The following PCDH15 variants were observed in gnomAD, a reference collection of about 807,000 sequenced individuals.
PCDH15 encodes the protein protocadherin related 15, also known as protocadherin-15.
PCDH15 carries 129 observed loss-of-function variants against 178.5 expected under a neutral mutation model. That is an observed-to-expected ratio of 0.72 (90% CI 0.63 to 0.84). The LOEUF is 0.84. Among genes scored for constraint, PCDH15 ranks in the 40% least tolerant of loss-of-function variants. The pLI is 0.00. For synonymous variants in PCDH15, 800 were observed against 732.0 expected (o/e 1.09, Z -1.50); for missense variants, 2,230 against 2,099.9 (o/e 1.06, Z -1.21).
intron 1 of PCDH15, among the ~76,000 whole-genome samples, chr10:55,215,592 G>T (rs896541867): frequency 6.6e-6 from 1 of 152,034 alleles, no homozygotes; most frequent in African/African-American, 2.4e-5. Flanking sequence ...AGGGGAAAAT[G>T]AAATATTGCA....
chr10:53,998,916 G>T (rs375244432), intron 20 of PCDH15, among the ~76,000 whole-genome samples: 42 of 152,042 alleles, frequency 2.8e-4, no homozygotes, highest in African/African-American at 9.9e-4. Context: ...GCCTGGCATG[G>T]TGGCGGGCAC....
chr10:54,390,170 A>G (rs1300466254), intron 3 of PCDH15, among the ~76,000 whole-genome samples: 1 of 152,180 alleles, frequency 6.6e-6, no homozygotes, highest in Non-Finnish European at 1.5e-5. Flanking sequence ...CATTCATGCA[A>G]AAGAATTCAG....
chr10:54,386,956 A>G (rs1437787068), intron 3 of PCDH15, among the ~76,000 whole-genome samples: 12 of 152,204 alleles, frequency 7.9e-5, no homozygotes, highest in African/African-American at 2.2e-4. Flanking sequence ...AGTTAATAAC[A>G]ATATATTGTA....
chr10:55,071,165 C>T (rs909912759), intron 2 of PCDH15, among the ~76,000 whole-genome samples: 4 of 152,206 alleles, frequency 2.6e-5, no homozygotes, highest in African/African-American at 7.2e-5. Context: ...TAAAGACCAT[C>T]GAGGCTACGA....
At chr10:54,436,008 A>G (rs2075363282) in intron 3 of PCDH15, among the ~76,000 whole-genome samples, 1 of 54,426 alleles carries the variant, frequency 1.8e-5, no homozygotes, top group African/African-American at 1.3e-4. Context: ...AAAGAAGAGG[A>G]GAGGAGAGGA....
intron 1 of PCDH15, among the ~76,000 whole-genome samples, chr10:55,201,901 G>A (rs1208203550): frequency 2.2e-4 from 33 of 152,074 alleles, no homozygotes; most frequent in Non-Finnish European, 1.5e-5. Context: ...TAAAAGGCCA[G>A]TTTTTCTGTG....
intron 2 of PCDH15, among the ~76,000 whole-genome samples, chr10:54,908,344 C>A (rs556771834): frequency 3.3e-5 from 5 of 152,144 alleles, no homozygotes; most frequent in African/African-American, 9.7e-5. Context: ...TTGGACAAGG[C>A]GTACCATAAC....
At chr10:54,760,962 T>C (rs570144244) in intron 1 of PCDH15, among the ~76,000 whole-genome samples, 2 of 152,204 alleles carry the variant, frequency 1.3e-5, no homozygotes, top group South Asian at 2.1e-4. Context: ...TACTATACAA[T>C]ACAATATAGT....
intron 1 of PCDH15, among the ~76,000 whole-genome samples, chr10:55,204,656 A>T (rs1840345963): frequency 6.6e-6 from 1 of 152,140 alleles, no homozygotes; most frequent in Non-Finnish European, 1.5e-5. Flanking sequence ...AACTTCAGAG[A>T]GAAAATTGAG....
At chr10:54,131,820 C>T (rs2042460830) in intron 15 of PCDH15, among the ~76,000 whole-genome samples, 1 of 152,182 alleles carries the variant, frequency 6.6e-6, no homozygotes, top group African/African-American at 2.4e-5. Context: ...CTTTCCACAT[C>T]TCAAAAATAA....
At chr10:54,299,769 T>G (rs191592494) in intron 8 of PCDH15, among the ~76,000 whole-genome samples, 2 of 152,128 alleles carry the variant, frequency 1.3e-5, no homozygotes, top group African/African-American at 4.8e-5. Context: ...GTTAGGAAAA[T>G]TTCCCAGTGA....
At chr10:54,879,001 T>C (rs1339309473) in intron 3 of PCDH15, among the ~76,000 whole-genome samples, 1 of 152,194 alleles carries the variant, frequency 6.6e-6, no homozygotes, top group African/African-American at 2.4e-5. Flanking sequence ...GCTTTGATTA[T>C]AAAACTACAT....
At chr10:55,489,806 A>G (rs1418873244) in intron 2 of PCDH15, among the ~76,000 whole-genome samples, 1 of 151,726 alleles carries the variant, frequency 6.6e-6, no homozygotes, top group East Asian at 1.9e-4. Flanking sequence ...ATACACAAAT[A>G]ATGGCTCAAA....
intron 26 of PCDH15, among the ~76,000 whole-genome samples, chr10:53,882,102 C>T (rs1182389232): frequency 6.7e-6 from 1 of 149,526 alleles, no homozygotes; most frequent in African/African-American, 2.5e-5. Context: ...CAATTCTCCT[C>T]TGTTGGGAGA....
At chr10:54,075,814 G>A (rs2094332869) in intron 17 of PCDH15, among the ~76,000 whole-genome samples, 1 of 152,116 alleles carries the variant, frequency 6.6e-6, no homozygotes, top group African/African-American at 2.4e-5. Flanking sequence ...CTGTATTTCT[G>A]TTTTTATGCT....
At chr10:55,204,471 T>G (rs1236089600) in intron 1 of PCDH15, among the ~76,000 whole-genome samples, 1 of 152,010 alleles carries the variant, frequency 6.6e-6, no homozygotes, top group African/African-American at 2.4e-5. Flanking sequence ...CATTACCATT[T>G]ATAAATGCAG....
At chr10:53,814,012 A>G (rs1025957116) in intron 35 of PCDH15, among the ~76,000 whole-genome samples, 11 of 152,172 alleles carry the variant, frequency 7.2e-5, no homozygotes, top group Non-Finnish European at 1.6e-4. Flanking sequence ...GGAAGGAATG[A>G]GGTTAAGAAA....
At chr10:54,986,878 C>G (rs1839381248) in intron 2 of PCDH15, among the ~76,000 whole-genome samples, 1 of 152,034 alleles carries the variant, frequency 6.6e-6, no homozygotes, top group Non-Finnish European at 1.5e-5. Context: ...TCTATAATTT[C>G]CTGAAAAACT....
chr10:54,490,770 T>G (rs908891208), intron 3 of PCDH15, among the ~76,000 whole-genome samples: 31 of 152,298 alleles, frequency 2.0e-4, no homozygotes, highest in African/African-American at 7.2e-4. Flanking sequence ...ATTTCATATG[T>G]AGGGCTTTTT....
Sources: allele counts gnomAD v4.1 joint callset (sites outside exome capture counted in the v4.1 genomes callset), GRCh38; gene constraint gnomAD v4.1.1; transcripts MANE v1.5; gene names NCBI Gene and HGNC (gene_info 2026-07-23, HGNC 2026-07-21).